The following RASAL2 variants were observed in gnomAD, a reference collection of about 807,000 sequenced individuals.
The protein encoded by RASAL2 is ras GTPase-activating protein nGAP.
RASAL2 carries 58 observed loss-of-function variants against 128.9 expected under a neutral mutation model. The ratio of observed to expected loss-of-function variants is 0.45; its 90% confidence interval spans 0.36 to 0.56. RASAL2 has a LOEUF of 0.56. Ranked by LOEUF, RASAL2 falls within the 20% of genes least tolerant of loss-of-function variation. RASAL2 has a pLI of 0.00. For synonymous variants in RASAL2, 561 were observed against 580.8 expected (o/e 0.97, Z 0.49); for missense variants, 1,360 against 1,601.6 (o/e 0.85, Z 2.57).
intron 1 of RASAL2, among the ~76,000 whole-genome samples, chr1:178,160,596 C>T (rs1009522626): frequency 1.3e-5 from 2 of 152,198 alleles, no homozygotes; most frequent in African/African-American, 4.8e-5. Context: ...GATCGCACCA[C>T]TGCACTCCAG....
chr1:178,323,405 A>AT (rs888260271), intron 3 of RASAL2, among the ~76,000 whole-genome samples: 14 of 151,702 alleles, frequency 9.2e-5, no homozygotes, highest in Middle Eastern at 3.2e-3. Flanking sequence ...GATGTGGGTA[A>AT]TTTTTTTTTA....
chr1:178,310,840 A>G (rs966259229), intron 3 of RASAL2, among the ~76,000 whole-genome samples: 3 of 152,104 alleles, frequency 2.0e-5, no homozygotes, highest in Non-Finnish European at 4.4e-5. Context: ...ATGGCAGTAG[A>G]GTTTCTTCAA....
At chr1:178,466,613 T>C (rs1407320044) in intron 16 of RASAL2, among the ~76,000 whole-genome samples, 1 of 152,242 alleles carries the variant, frequency 6.6e-6, no homozygotes, top group African/African-American at 2.4e-5. Flanking sequence ...CATAATAGTT[T>C]GTTTAATCTT....
intron 1 of RASAL2, among the ~76,000 whole-genome samples, chr1:178,185,339 C>G (rs77413844): frequency 1.8e-4 from 28 of 151,570 alleles, no homozygotes; most frequent in African/African-American, 5.3e-4. Flanking sequence ...CTAGTTAGGA[C>G]GTATGGTAGG....
intron 5 of RASAL2, among the ~76,000 whole-genome samples, chr1:178,422,073 A>G (rs1420198942): frequency 6.6e-6 from 1 of 152,032 alleles, no homozygotes; most frequent in Non-Finnish European, 1.5e-5. Flanking sequence ...TCCCAATTCA[A>G]TAGGCAATTT....
In RASAL2 at chr1:178,446,277, C is replaced by T. The variant is rs537860770; in HGVS notation, c.1627+615C>T. Among the ~76,000 whole-genome samples the T allele has an allele frequency of 3.9e-4, 59 of 152,272 alleles. No individual in the cohort carries two copies. In the South Asian group the frequency reaches 0.012, roughly 31 times the overall value. ...ATCATGATAGAGCAGATGTGAGTTC[C>T]TTGAAGGAAATAGCCCTTTGTTTTA... On this transcript the variant is annotated intron_variant, in intron 9 of 17. Transcript: ENST00000367649.
chr1:178,400,408 T>C (rs1228484270), intron 4 of RASAL2, among the ~76,000 whole-genome samples: 1 of 152,176 alleles, frequency 6.6e-6, no homozygotes, highest in Non-Finnish European at 1.5e-5. Context: ...CGTTACCTCT[T>C]CTAGGCAGCA....
At chr1:178,103,993 T>A (rs546798415) in intron 1 of RASAL2, among the ~76,000 whole-genome samples, 1 of 152,240 alleles carries the variant, frequency 6.6e-6, no homozygotes, top group South Asian at 2.1e-4. Flanking sequence ...CCATTCTTTT[T>A]TTTTCCCCCT....
intron 1 of RASAL2, among the ~76,000 whole-genome samples, chr1:178,130,240 A>G (rs548116904): frequency 2.6e-5 from 4 of 152,282 alleles, no homozygotes; most frequent in South Asian, 2.1e-4. Flanking sequence ...CTTCTACCCA[A>G]ATTTTAACAC....
rs562357993 is a variant in RASAL2, at chr1:178,474,737, A to G, written c.*1498A>G. 1 of 152,126 alleles carries G rather than the reference A, an allele frequency of 6.6e-6. No individual in the cohort carries two copies. The highest frequency in any genetic ancestry group is 1.9e-4 in the East Asian group (1 of 5,176). The allele number at this position is 152,126 out of a possible 1,614,324, so 9.4% of individuals were successfully genotyped here. On this transcript the variant is annotated 3_prime_UTR_variant, in exon 18 of 18. Transcript: ENST00000367649. ...ACACATATGTACATATAACTGCACA[A>G]ATAGGAAAAGTTCATGCCTTCTATG...
At chr1:178,235,622 G>A (rs1439899660) in intron 1 of RASAL2, among the ~76,000 whole-genome samples, 2 of 152,096 alleles carry the variant, frequency 1.3e-5, no homozygotes, top group African/African-American at 4.8e-5. Context: ...GTGTGTCTGT[G>A]TGTGTGTATG....
intron 3 of RASAL2, among the ~76,000 whole-genome samples, chr1:178,349,679 G>A (rs950588940): frequency 6.6e-6 from 1 of 151,846 alleles, no homozygotes; most frequent in Non-Finnish European, 1.5e-5. Context: ...AGATATATAT[G>A]TACTCGTACT....
intron 1 of RASAL2, among the ~76,000 whole-genome samples, chr1:178,115,242 A>AT (rs777283464): frequency 6.6e-5 from 10 of 152,178 alleles, no homozygotes; most frequent in Non-Finnish European, 1.5e-4. Context: ...GAATATGTCC[A>AT]TTTTGTCTAA....
At chr1:178,110,301 G>A (rs1330407015) in intron 1 of RASAL2, among the ~76,000 whole-genome samples, 2 of 151,574 alleles carry the variant, frequency 1.3e-5, no homozygotes, top group African/African-American at 4.8e-5. Context: ...ATTTACCAGG[G>A]GATTGGTTCC....
chr1:178,176,514 C>A (rs189997403), intron 1 of RASAL2, among the ~76,000 whole-genome samples: 2 of 151,994 alleles, frequency 1.3e-5, no homozygotes, highest in Admixed American at 6.6e-5. Flanking sequence ...TCTCTTTCAC[C>A]GAGCTTAGAC....
chr1:178,121,764 G>T (rs1487130901), intron 1 of RASAL2, among the ~76,000 whole-genome samples: 1 of 152,096 alleles, frequency 6.6e-6, no homozygotes, highest in Non-Finnish European at 1.5e-5. Context: ...GGGATTACAG[G>T]CATGAGCCAC....
chr1:178,408,335 T>G (rs1378470284), intron 4 of RASAL2, among the ~76,000 whole-genome samples: 1 of 152,228 alleles, frequency 6.6e-6, no homozygotes, highest in East Asian at 1.9e-4. Context: ...CTTCACATTT[T>G]TATAAGGCAT....
chr1:178,206,955 G>A (rs974706415), intron 1 of RASAL2, among the ~76,000 whole-genome samples: 2 of 151,956 alleles, frequency 1.3e-5, no homozygotes, highest in Non-Finnish European at 2.9e-5. Flanking sequence ...CAGTGGGATT[G>A]CTTAAGCTTA....
rs765224231 is a variant in RASAL2 at position 178,473,114 on chromosome 1, C to G, written c.3718C>G (p.Leu1240Val). Reference sequence around the variant, plus strand: ...GTCCCTGGATTCAGCCAACACCAGACTGATGAGCGCGCTGACCCAAGTGAA... The same window carrying G: ...GTCCCTGGATTCAGCCAACACCAGAGTGATGAGCGCGCTGACCCAAGTGAA... ...IVSLDSANTR[L>V]MSALTQVKER... Residue 1240 changes from leucine to valine, a missense_variant, in exon 18 of 18, where the codon CTG (leucine) becomes GTG (valine). Transcript: ENST00000367649. The G allele has an allele frequency of 6.2e-7, 1 of 1,614,094 alleles. No individual in the cohort carries two copies. The highest frequency in any genetic ancestry group is 1.3e-5 in the African/African-American group (1 of 74,930).
Sources: allele counts gnomAD v4.1 joint callset (sites outside exome capture counted in the v4.1 genomes callset), GRCh38; gene constraint gnomAD v4.1.1; transcripts MANE v1.5; gene names NCBI Gene and HGNC (gene_info 2026-07-23, HGNC 2026-07-21).